The following THSD7B variants were observed in gnomAD, a reference collection of about 807,000 sequenced individuals.
THSD7B encodes thrombospondin type 1 domain containing 7B.
Under a neutral mutation model 213.6 loss-of-function variants are expected in THSD7B, and 138 were observed. The observed-to-expected ratio is 0.65, with a 90% CI of 0.56 to 0.74. The LOEUF is 0.74. Ranked by LOEUF, THSD7B falls within the 30% of genes least tolerant of loss-of-function variation. The pLI is 0.00. For synonymous variants in THSD7B, 742 were observed against 687.0 expected (o/e 1.08, Z -1.25); for missense variants, 1,931 against 1,991.5 (o/e 0.97, Z 0.58).
chr2:137,169,674 G>C (rs758650945), intron 6 of THSD7B, among the ~76,000 whole-genome samples: 2 of 152,148 alleles, frequency 1.3e-5, no homozygotes, highest in Non-Finnish European at 2.9e-5. Flanking sequence ...AAAGGAATCT[G>C]TTGATTGAAT....
Position 136,804,079 on chromosome 2 carries a change from A to C in THSD7B, c.-36+38392A>C, listed in dbSNP as rs140882222. On this transcript the variant is annotated intron_variant, in intron 1 of 27. Coordinates refer to ENST00000409968, the MANE Select transcript of THSD7B (RefSeq NM_001316349.2). Reference sequence around the variant, plus strand: ...GTATCTGGCATCTCTTAGTCCAGTCAAGTTGACATATAAAATTCACATGAA... The same window carrying C: ...GTATCTGGCATCTCTTAGTCCAGTCCAGTTGACATATAAAATTCACATGAA... 4.4e-3 allele frequency among the ~76,000 whole-genome samples: 675 copies of C among 152,290 alleles called. 8 individuals are homozygous for C. Among genetic ancestry groups the C allele is most frequent in the Middle Eastern group, 6.8e-3 (2 of 294 alleles).
intron 20 of THSD7B, among the ~76,000 whole-genome samples, chr2:137,639,916 C>T (rs1218737304): frequency 6.6e-6 from 1 of 152,158 alleles, no homozygotes; most frequent in Non-Finnish European, 1.5e-5. Flanking sequence ...TTTACAGGCT[C>T]ATAAGTAGAA....
At chr2:137,104,511 A>G (rs1468122270) in intron 4 of THSD7B, among the ~76,000 whole-genome samples, 2 of 152,210 alleles carry the variant, frequency 1.3e-5, no homozygotes, top group South Asian at 4.1e-4. Flanking sequence ...GAGAAGCACT[A>G]GTAAACAAAT....
chr2:137,114,682 A>G (rs1433282721), intron 4 of THSD7B, among the ~76,000 whole-genome samples: 2 of 152,226 alleles, frequency 1.3e-5, no homozygotes, highest in Non-Finnish European at 1.5e-5. Context: ...AAAATAATAT[A>G]TTTACGACTT....
intron 2 of THSD7B, among the ~76,000 whole-genome samples, chr2:136,919,011 T>C (rs552747231): frequency 1.3e-5 from 2 of 152,326 alleles, no homozygotes; most frequent in South Asian, 2.1e-4. Flanking sequence ...CTCCTTGTCA[T>C]GCACTCAATT....
intron 2 of THSD7B, among the ~76,000 whole-genome samples, chr2:136,978,685 A>G (rs978138628): frequency 6.6e-6 from 1 of 152,076 alleles, no homozygotes; most frequent in African/African-American, 2.4e-5. Context: ...TTGTCTTTGC[A>G]TGTGAGGTGG....
At chr2:137,357,060 G>A (rs1343914045) in intron 12 of THSD7B, among the ~76,000 whole-genome samples, 1 of 151,364 alleles carries the variant, frequency 6.6e-6, no homozygotes, top group Non-Finnish European at 1.5e-5. Context: ...TGTATTATGT[G>A]ATCATAGGAA....
chr2:137,211,409 A>T (rs1015648820), intron 7 of THSD7B, among the ~76,000 whole-genome samples: 5 of 107,590 alleles, frequency 4.6e-5, no homozygotes, highest in Non-Finnish European at 1.0e-4. Flanking sequence ...TCACTGTCTC[A>T]CACTCAAGAT....
chr2:136,954,740 T>TAAAAAAAAAAAAAAAAAAAAG lies in THSD7B; in HGVS notation c.139+72424_139+72425insAAAAAAAAAAAAAAAAAAAGA, dbSNP rs773677139. 1.2e-4 allele frequency among the ~76,000 whole-genome samples: 16 copies of TAAAAAAAAAAAAAAAAAAAAG among 137,490 alleles called. 2 individuals are homozygous for TAAAAAAAAAAAAAAAAAAAAG. The highest frequency in any genetic ancestry group is 4.3e-4 in the African/African-American group (14 of 32,336). 90.2% of individuals were successfully genotyped at this position (137,490 alleles called of 152,430 possible). A position where few individuals can be genotyped will look rare whatever the true frequency, so the allele number is the denominator to read the frequency against. The stretch of plus-strand genomic sequence containing the variant: ...AAAAAAAAAAAAAAAAAAAAGAAAT[T>TAAAAAAAAAAAAAAAAAAAAG]ACATAAGAGCTTTTATACTGTTTAT... On this transcript the variant is annotated intron_variant, in intron 2 of 27. Coordinates refer to ENST00000409968, the MANE Select transcript of THSD7B (RefSeq NM_001316349.2).
chr2:136,897,886 T>G (rs1199012279), intron 2 of THSD7B, among the ~76,000 whole-genome samples: 1 of 152,024 alleles, frequency 6.6e-6, no homozygotes, highest in Non-Finnish European at 1.5e-5. Context: ...TTACAAACCT[T>G]TAGCTAGACA....
rs1687172785 is a variant in THSD7B at position 137,056,768 on chromosome 2, C to T, written c.488C>T (p.Ala163Val). The T allele has an allele frequency of 1.9e-6, 3 of 1,613,966 alleles. No individual in the cohort carries two copies. The highest frequency in any genetic ancestry group is 2.5e-6 in the Non-Finnish European group (3 of 1,179,888). Residue 163 changes from alanine (A) to valine (V), a missense_variant, in exon 3 of 28, where the codon GCC becomes GTC. Ala to Val is a moderately conservative substitution (Grantham distance 64). Transcript: ENST00000409968. ...VVANEICEHF[A>V]LQPPTEQACL... ...GCAAATGAAATATGCGAACACTTTG[C>T]CCTTCAGCCTCCTACAGAACAGGCT...
chr2:137,602,801 CA>C (rs1682100479), intron 17 of THSD7B, among the ~76,000 whole-genome samples: 1 of 152,184 alleles, frequency 6.6e-6, no homozygotes, highest in Non-Finnish European at 1.5e-5. Context: ...CCTCTCAACA[CA>C]GTTGCATTTG....
At chr2:137,481,302 T>G (rs1193205956) in intron 15 of THSD7B, among the ~76,000 whole-genome samples, 1 of 152,234 alleles carries the variant, frequency 6.6e-6, no homozygotes, top group Non-Finnish European at 1.5e-5. Flanking sequence ...GAAACTTTCT[T>G]TATAACATGA....
At chr2:137,645,102 C>G (rs976579689) in intron 21 of THSD7B, among the ~76,000 whole-genome samples, 1 of 152,140 alleles carries the variant, frequency 6.6e-6, no homozygotes, top group African/African-American at 2.4e-5. Flanking sequence ...AGTCTATAAA[C>G]TCTCCAAACA....
intron 12 of THSD7B, among the ~76,000 whole-genome samples, chr2:137,404,460 T>G (rs867008731): frequency 2.7e-4 from 28 of 102,330 alleles, no homozygotes; most frequent in African/African-American, 1.1e-3. Context: ...TATATATATA[T>G]ATATATATAT....
chr2:136,950,737 A>G (rs1273379181), intron 2 of THSD7B, among the ~76,000 whole-genome samples: 6 of 152,230 alleles, frequency 3.9e-5, no homozygotes, highest in Non-Finnish European at 1.5e-5. Flanking sequence ...AGAAGAGGAA[A>G]TCTAAGCACA....
At chr2:137,125,840 T>C (rs1688621027) in intron 5 of THSD7B, among the ~76,000 whole-genome samples, 1 of 152,204 alleles carries the variant, frequency 6.6e-6, no homozygotes, top group Non-Finnish European at 1.5e-5. Flanking sequence ...GTCCATGGGC[T>C]ACAGAAAGGA....
chr2:137,204,994 A>T (rs181303751), intron 7 of THSD7B, among the ~76,000 whole-genome samples: 7 of 152,156 alleles, frequency 4.6e-5, no homozygotes, highest in Admixed American at 4.6e-4. Flanking sequence ...ACTGTGTGAG[A>T]GGCTAGGTTA....
At chr2:137,058,695 G>A (rs1315252121) in intron 3 of THSD7B, among the ~76,000 whole-genome samples, 3 of 152,284 alleles carry the variant, frequency 2.0e-5, no homozygotes, top group African/African-American at 7.2e-5. Context: ...CTAACCATGA[G>A]TGTAATGTTT....
Sources: allele counts gnomAD v4.1 joint callset (sites outside exome capture counted in the v4.1 genomes callset), GRCh38; gene constraint gnomAD v4.1.1; transcripts MANE v1.5; gene names NCBI Gene and HGNC (gene_info 2026-07-23, HGNC 2026-07-21).